IWS1: variants seen among roughly 807,000 people sequenced by gnomAD.
IWS1 encodes protein IWS1 homolog.
A neutral mutation model predicts 86.7 loss-of-function variants in IWS1; 27 were observed. The observed-to-expected ratio is 0.31, with a 90% confidence interval of 0.23 to 0.43. The LOEUF (loss-of-function observed/expected upper bound fraction) is 0.43. Ranked by LOEUF, IWS1 falls within the 20% of genes least tolerant of loss-of-function variation. IWS1 has a pLI of 1.00. For missense variants in IWS1, 827 were observed against 1,000.8 expected, an observed-to-expected ratio of 0.83 and a Z score of 2.34; for synonymous variants, 313 against 335.1, an observed-to-expected ratio of 0.93 and a Z score of 0.72.
At position 127,526,192 on chromosome 2, in the gene IWS1, T is replaced by G. The variant is rs1692403115; in HGVS notation, c.17A>C (p.Tyr6Ser). 1 of 1,597,050 alleles carries G rather than the reference T, an allele frequency of 6.3e-7. No individual in the cohort carries two copies. Residue 6 changes from tyrosine to serine, a missense_variant, in exon 1 of 14, where the codon TAC becomes TCC. Tyr to Ser is a moderately radical substitution (Grantham distance 144, BLOSUM62 -2). Transcript: ENST00000295321. ...TGCCCCACCTGACTGGTCGCCGCTG[T>G]AATATTCCGAGTCCATGGCAGGCGG... MDSEYYSGDQSDDGGA... is the reference protein window; with the variant it reads MDSEYSSGDQSDDGGA...
chr2:127,502,050 T>C (rs746250053), intron 5 of IWS1, among the ~76,000 whole-genome samples: 10 of 152,220 alleles, frequency 6.6e-5, no homozygotes, highest in Non-Finnish European at 1.0e-4. Flanking sequence ...ATCATTACTG[T>C]TACCTTTTAA....
rs1045127734 is a variant in IWS1, at chr2:127,505,703, G to C, written c.200C>G (p.Thr67Arg). ...TAAGGGCTCATCGTTCTCAGAGTCT[G>C]TCACATGATGTCCTTTGGGGAGGCC... ...EDGLPKGHHVTDSENDEPLNL... is the reference protein window; with the variant it reads ...EDGLPKGHHVRDSENDEPLNL... The change falls in exon 3 of 14, where the codon ACA becomes AGA. Residue 67 changes from threonine to arginine, a missense_variant. Physicochemically the swap from Thr to Arg is moderately conservative, Grantham distance 71. Transcript: ENST00000295321. The surrounding 1 kb of genome is among the most constrained non-coding windows in gnomAD (Gnocchi z 5.0). 9 of 1,610,908 alleles carry C rather than the reference G, an allele frequency of 5.6e-6. No individual in the cohort carries two copies. The highest frequency in any genetic ancestry group is 7.6e-6 in the Non-Finnish European group (9 of 1,179,292).
chr2:127,522,809 A>G, intron 2 of IWS1, among the ~76,000 whole-genome samples: 1 of 152,384 alleles, frequency 6.6e-6, no homozygotes, highest in East Asian at 1.9e-4. Context: ...TATAAACAGA[A>G]AGGAAAATAA....
At chr2:127,519,783 T>C (rs1381203353) in intron 2 of IWS1, among the ~76,000 whole-genome samples, 2 of 152,158 alleles carry the variant, frequency 1.3e-5, no homozygotes, top group African/African-American at 4.8e-5. Flanking sequence ...GGCCCAATTA[T>C]AATTACAAAG....
chr2:127,516,580 T>C (rs952845604), intron 2 of IWS1, among the ~76,000 whole-genome samples: 7 of 152,054 alleles, frequency 4.6e-5, no homozygotes, highest in East Asian at 1.9e-4. Flanking sequence ...CTGGGCAACA[T>C]AGCAAAATCC....
At chr2:127,502,116 T>C (rs1414666242) in intron 5 of IWS1, among the ~76,000 whole-genome samples, 2 of 152,224 alleles carry the variant, frequency 1.3e-5, no homozygotes, top group Non-Finnish European at 2.9e-5. Context: ...TGTAATCTTA[T>C]TTCTGAGACT....
intron 2 of IWS1, 22 bp downstream of exon 2, chr2:127,523,654 A>T (rs1405000683): frequency 1.3e-6 from 2 of 1,508,032 alleles, no homozygotes; most frequent in Non-Finnish European, 1.8e-6. Context: ...AAGCCCTCCC[A>T]AAGATGTTGG....
intron 4 of IWS1, 124 bp from the exon 5 acceptor site, chr2:127,502,996 G>C: frequency 1.6e-6 from 1 of 617,584 alleles, no homozygotes; most frequent in African/African-American, 1.8e-5. Context: ...AGTTCAATGA[G>C]TTTTAACAAA....
At chr2:127,526,028 G>T in intron 1 of IWS1, 147 bp downstream of exon 1, 2 of 698,680 alleles carry the variant, frequency 2.9e-6, no homozygotes, top group Non-Finnish European at 4.7e-6. Flanking sequence ...GCTTGCAGCT[G>T]GTCAGAGGGC....
chr2:127,500,813 C>T (rs530611274), intron 5 of IWS1, among the ~76,000 whole-genome samples: 16 of 152,160 alleles, frequency 1.1e-4, no homozygotes, highest in East Asian at 3.9e-4. Flanking sequence ...TGCTCATTTT[C>T]GACTGATTAG....
chr2:127,504,931 TTTGTGTCTGGAC>T lies in IWS1; in HGVS notation c.960_971del (p.Ser321_Lys324del). 1 of 1,614,198 alleles carries T rather than the reference TTTGTGTCTGGAC, an allele frequency of 6.2e-7. No individual in the cohort carries two copies. The highest frequency in any genetic ancestry group is 8.5e-7 in the Non-Finnish European group (1 of 1,180,044). On this transcript the variant is annotated inframe_deletion, in exon 3 of 14. Transcript: ENST00000295321. ...TGTCATCATCTGACTCTGGCTTCTG[TTTGTGTCTGGAC>T]GCATCCTCAGTTTCTGAGTCACTGG...
intron 2 of IWS1, among the ~76,000 whole-genome samples, chr2:127,518,475 C>T (rs1691897510): frequency 6.6e-6 from 1 of 151,672 alleles, no homozygotes. Context: ...GATTGTGCCA[C>T]TACACTCCAG....
Position 127,481,153 on chromosome 2 carries a change from C to G in IWS1, c.2351G>C (p.Gly784Ala). The change falls in exon 14 of 14, where the codon GGT (glycine) becomes GCT (alanine). Residue 784 changes from glycine (G) to alanine (A), a missense_variant. Physicochemically the swap from Gly to Ala is moderately conservative, Grantham distance 60 (BLOSUM62 0). Coordinates refer to ENST00000295321, the MANE Select transcript of IWS1 (RefSeq NM_017969.3). ...SSRFQATSKK[G>A]ISRLDKQMRK... ...CATCTGTTTATCCAGTCGACTGATA[C>G]CCTTCTTGGAGGTCGCCTGAAACTA... The G allele has an allele frequency of 4.4e-6, 7 of 1,606,588 alleles. No individual in the cohort carries two copies. Among genetic ancestry groups the G allele is most frequent in the Non-Finnish European group, 5.9e-6 (7 of 1,177,854 alleles).
intron 10 of IWS1, among the ~76,000 whole-genome samples, chr2:127,491,581 CTACTCGTG>C (rs1331152162): frequency 1.3e-5 from 2 of 152,014 alleles, no homozygotes; most frequent in Admixed American, 6.6e-5. Context: ...GTAGCTGGGA[CTACTCGTG>C]TATACCACCA....
chr2:127,485,065 G>A (rs1689858540), intron 13 of IWS1, among the ~76,000 whole-genome samples: 1 of 152,166 alleles, frequency 6.6e-6, no homozygotes, highest in Non-Finnish European at 1.5e-5. Context: ...AGGGGACATG[G>A]AGAGGTGGTC....
intron 13 of IWS1, among the ~76,000 whole-genome samples, chr2:127,481,908 C>T (rs888072308): frequency 6.6e-6 from 1 of 152,142 alleles, no homozygotes; most frequent in Non-Finnish European, 1.5e-5. Context: ...ATTAAGTATA[C>T]TTGACACAAA....
chr2:127,511,009 GA>G (rs1260184693), intron 2 of IWS1, among the ~76,000 whole-genome samples: 2 of 152,208 alleles, frequency 1.3e-5, no homozygotes, highest in Non-Finnish European at 2.9e-5. Context: ...CCACATTTTA[GA>G]AATTCTACTC....
At chr2:127,497,975 A>C (rs192927646) in intron 6 of IWS1, among the ~76,000 whole-genome samples, 165 bp downstream of exon 6, 1 of 152,324 alleles carries the variant, frequency 6.6e-6, no homozygotes, top group East Asian at 1.9e-4. Flanking sequence ...AAAGACAAGT[A>C]ACAACAGCAG....
rs149288544 is a variant in IWS1 at position 127,526,439 on chromosome 2, C to G, written c.-231G>C. On this transcript the variant is annotated 5_prime_UTR_variant, in exon 1 of 14. Transcript: ENST00000295321. ...GCAGGCTGGCGGGCGGGCAGGCATG[C>G]GAGCCGGCGTTCTACTTCCTAGAAG... 2,806 of 1,534,018 alleles carry G rather than the reference C, an allele frequency of 1.8e-3. 48 individuals carry two copies. In the African/African-American group the frequency reaches 0.034, roughly 19 times the overall value.
Sources: allele counts gnomAD v4.1 joint callset (sites outside exome capture counted in the v4.1 genomes callset), GRCh38; gene constraint gnomAD v4.1.1; non-coding constraint Gnocchi (gnomAD v3.1); transcripts MANE v1.5; gene names NCBI Gene and HGNC (gene_info 2026-07-23, HGNC 2026-07-21).